The following NRP2 variants were observed in gnomAD, a reference collection of about 807,000 sequenced individuals.
NRP2 encodes neuropilin-2.
NRP2 carries 52 observed loss-of-function variants against 110.4 expected under a neutral mutation model. That is an observed-to-expected ratio of 0.47 (90% CI 0.38 to 0.59). The LOEUF (loss-of-function observed/expected upper bound fraction) is 0.59. Ranked by LOEUF, NRP2 falls within the 20% of genes least tolerant of loss-of-function variation. The probability of loss-of-function intolerance (pLI) is 0.00; values close to 1 mark genes in which losing one functional copy is unlikely to be tolerated. For missense variants in NRP2, 1,049 were observed against 1,203.0 expected (o/e 0.87, Z 1.89); for synonymous variants, 508 against 468.9 (o/e 1.08, Z -1.08).
chr2:205,782,129 A>G (rs2058181580), intron 15 of NRP2, among the ~76,000 whole-genome samples: 1 of 152,218 alleles, frequency 6.6e-6, no homozygotes, highest in African/African-American at 2.4e-5. Context: ...ACCAAGCCGA[A>G]GCCATTCTTT....
intron 1 of NRP2, among the ~76,000 whole-genome samples, chr2:205,689,454 G>C (rs1304930768): frequency 6.6e-6 from 1 of 152,212 alleles, no homozygotes; most frequent in Non-Finnish European, 1.5e-5. Flanking sequence ...CTTTAAAACT[G>C]TTTCAGTGGG....
chr2:205,734,215 G>GCA lies in NRP2; in HGVS notation c.1146+6186_1146+6187dup, dbSNP rs141532341. Among the ~76,000 whole-genome samples, 1,334 of 149,236 alleles carry GCA rather than the reference G, an allele frequency of 8.9e-3. 12 individuals carry two copies. Among genetic ancestry groups the GCA allele is most frequent in the African/African-American group, 0.03 (1,208 of 40,748 alleles). ...ATATATCTATGTAAAGTATACACGT[G>GCA]CACACACACACACACACATGCCTCT... On this transcript the variant is annotated intron_variant, in intron 7 of 16. Transcript: ENST00000357785.
chr2:205,775,023 C>A (rs1012370346), intron 15 of NRP2, among the ~76,000 whole-genome samples: 1 of 152,154 alleles, frequency 6.6e-6, no homozygotes, highest in African/African-American at 2.4e-5. Flanking sequence ...GGTAGGACCA[C>A]TAATGCATGA....
intron 12 of NRP2, among the ~76,000 whole-genome samples, chr2:205,755,000 C>T (rs1186023637): frequency 6.6e-6 from 1 of 152,120 alleles, no homozygotes; most frequent in Non-Finnish European, 1.5e-5. Flanking sequence ...TGAGGGCAGC[C>T]CTACCCAGGC....
intron 12 of NRP2, chr2:205,759,445 G>A (rs906686169): frequency 1.3e-5 from 2 of 152,254 alleles, no homozygotes; most frequent in African/African-American, 4.8e-5. Flanking sequence ...TTAAAGCAAA[G>A]GGTGGACAGC....
chr2:205,734,215 G>GCACACACA (rs141532341), intron 7 of NRP2, among the ~76,000 whole-genome samples: 2,871 of 149,276 alleles, frequency 0.019, 61 homozygotes, highest in African/African-American at 0.057. Context: ...GTATACACGT[G>GCACACACA]CACACACACA....
chr2:205,709,914 A>C (rs2056763678), intron 2 of NRP2, among the ~76,000 whole-genome samples: 1 of 152,188 alleles, frequency 6.6e-6, no homozygotes. Context: ...CCACTTACAA[A>C]AATTAATATG....
At chr2:205,738,871 A>C (rs1339468981) in intron 7 of NRP2, among the ~76,000 whole-genome samples, 1 of 152,170 alleles carries the variant, frequency 6.6e-6, no homozygotes, top group Non-Finnish European at 1.5e-5. Context: ...GGACCAGCGA[A>C]AATCTGCTTC....
At chr2:205,787,318 C>A (rs1007841619) in intron 15 of NRP2, among the ~76,000 whole-genome samples, 1 of 152,194 alleles carries the variant, frequency 6.6e-6, no homozygotes, top group African/African-American at 2.4e-5. Context: ...CTGCTGTACA[C>A]TCCAGATGAC....
At chr2:205,757,388 G>C (rs1333808736) in intron 12 of NRP2, among the ~76,000 whole-genome samples, 2 of 152,128 alleles carry the variant, frequency 1.3e-5, no homozygotes, top group Non-Finnish European at 2.9e-5. Context: ...GCCATTGAAT[G>C]AATTCCGTTA....
At chr2:205,699,104 G>C (rs959028093) in intron 2 of NRP2, among the ~76,000 whole-genome samples, 7 of 152,204 alleles carry the variant, frequency 4.6e-5, no homozygotes, top group African/African-American at 1.7e-4. Flanking sequence ...ATGTGACGAA[G>C]AGTCATAAGA....
rs575314905 is a variant in NRP2 at position 205,790,724 on chromosome 2, A to G, written c.2426-1511A>G. ...GCTCGATTTGATCCCTGTGACAAAC[A>G]CCACCTTCCTCTTGTTGATTCATGT... On this transcript the variant is annotated intron_variant, in intron 15 of 16. Coordinates refer to ENST00000357785, the MANE Select transcript of NRP2 (RefSeq NM_003872.3). 2.0e-5 allele frequency among the ~76,000 whole-genome samples: 3 copies of G among 151,316 alleles called. No individual in the cohort carries two copies. In the East Asian group the frequency reaches 5.8e-4, roughly 29 times the overall value.
chr2:205,716,438 C>G, intron 3 of NRP2, 64 bp downstream of exon 3: 1 of 1,570,924 alleles, frequency 6.4e-7, no homozygotes, highest in Non-Finnish European at 8.7e-7. Flanking sequence ...GGGACAGCAC[C>G]CAGTGGGCTG....
intron 3 of NRP2, chr2:205,722,163 TCTC>T (rs1283320681): frequency 6.0e-6 from 2 of 332,822 alleles, no homozygotes; most frequent in African/African-American, 2.5e-5. Flanking sequence ...TCTCTCTCTC[TCTC>T]TCTCATACAC....
intron 2 of NRP2, among the ~76,000 whole-genome samples, chr2:205,715,458 T>G (rs1235726659): frequency 6.6e-6 from 1 of 152,184 alleles, no homozygotes; most frequent in Non-Finnish European, 1.5e-5. Flanking sequence ...CCCCTGCTTT[T>G]GGAGAAAGGT....
At chr2:205,748,572 G>A (rs892216687) in intron 10 of NRP2, among the ~76,000 whole-genome samples, 6 of 152,194 alleles carry the variant, frequency 3.9e-5, no homozygotes, top group South Asian at 2.1e-4. Flanking sequence ...GTGGGAAGCC[G>A]ACCGTGAAAA....
chr2:205,709,918 T>G (rs2056763784), intron 2 of NRP2, among the ~76,000 whole-genome samples: 2 of 152,196 alleles, frequency 1.3e-5, no homozygotes, highest in African/African-American at 4.8e-5. Context: ...TTACAAAAAT[T>G]AATATGTTAT....
At chr2:205,700,638 C>T (rs919403957) in intron 2 of NRP2, 21 of 502,588 alleles carry the variant, frequency 4.2e-5, no homozygotes, top group African/African-American at 9.6e-5. Flanking sequence ...AAGGTTGAGA[C>T]GGTTGCTGAG....
Position 205,715,576 on chromosome 2 carries a change from G to A in NRP2, c.252-617G>A, listed in dbSNP as rs546832997. Among the ~76,000 whole-genome samples, 6 of 152,286 alleles carry A rather than the reference G, an allele frequency of 3.9e-5. No individual in the cohort carries two copies. In the East Asian group the frequency reaches 5.8e-4, roughly 15 times the overall value. ...TCATCTTAGGGAGGCGGTGGCCCACGGGTGGGGAGTCTTTGTCACTAACAA... is the reference window on the plus strand; with the variant it reads ...TCATCTTAGGGAGGCGGTGGCCCACAGGTGGGGAGTCTTTGTCACTAACAA... On this transcript the variant is annotated intron_variant, in intron 2 of 16. Transcript: ENST00000357785.
Sources: gnomAD v4.1 joint callset for allele counts (sites outside exome capture counted in the v4.1 genomes callset) on GRCh38, gnomAD v4.1.1 for gene constraint, MANE v1.5 for transcripts, NCBI Gene and HGNC (gene_info 2026-07-23, HGNC 2026-07-21) for gene names.